The following SCN9A variants were observed in gnomAD, a reference collection of about 807,000 sequenced individuals.
SCN9A encodes the protein sodium voltage-gated channel alpha subunit 9, also known as sodium channel protein type 9 subunit alpha.
In SCN9A, 131 loss-of-function variants were observed where a neutral mutation model predicts 187.0. The observed-to-expected ratio is 0.70, with a 90% CI of 0.61 to 0.81. SCN9A has a LOEUF of 0.81. SCN9A is among the 30% of genes least tolerant of loss of function. The pLI is 0.00. For synonymous variants in SCN9A, 809 were observed against 808.6 expected (o/e 1.00, Z -0.01); for missense variants, 2,252 against 2,396.6 (o/e 0.94, Z 1.26).
At chr2:166,260,816 C>A (rs1381807606) in intron 17 of SCN9A, among the ~76,000 whole-genome samples, 1 of 151,702 alleles carries the variant, frequency 6.6e-6, no homozygotes, top group Non-Finnish European at 1.5e-5. Flanking sequence ...TGTTCAGTAA[C>A]ATAATATTTA....
At chr2:166,227,581 G>T in intron 23 of SCN9A, 89 bp downstream of exon 23, 1 of 785,902 alleles carries the variant, frequency 1.3e-6, no homozygotes, top group Non-Finnish European at 2.2e-6. Flanking sequence ...GAGTCCCAAG[G>T]GCTTCATGAA....
intron 7 of SCN9A, among the ~76,000 whole-genome samples, chr2:166,299,185 A>G (rs1698449644): frequency 7.0e-6 from 1 of 143,620 alleles, no homozygotes; most frequent in Admixed American, 6.7e-5. Context: ...TCACTAGCAA[A>G]ACATCCATAC....
At chr2:166,369,439 C>T (rs1187721729) in intron 1 of SCN9A, among the ~76,000 whole-genome samples, 1 of 152,130 alleles carries the variant, frequency 6.6e-6, no homozygotes, top group Non-Finnish European at 1.5e-5. Context: ...AGTGTTCATT[C>T]CTAAAAGTCT....
intron 17 of SCN9A, among the ~76,000 whole-genome samples, chr2:166,262,301 A>G (rs1236017386): frequency 6.6e-6 from 1 of 152,072 alleles, no homozygotes; most frequent in Non-Finnish European, 1.5e-5. Context: ...TTAATACTGA[A>G]TAAATGGAAA....
intron 2 of SCN9A, among the ~76,000 whole-genome samples, chr2:166,307,830 C>A (rs953472503): frequency 6.6e-6 from 1 of 152,180 alleles, no homozygotes. Context: ...AATATTAAAG[C>A]AACCTAAAGC....
chr2:166,315,601 T>C (rs1218260503), intron 1 of SCN9A, among the ~76,000 whole-genome samples: 5 of 152,204 alleles, frequency 3.3e-5, no homozygotes, highest in Admixed American at 6.5e-5. Context: ...ATCCTCTAGT[T>C]TGGAGAGGTG....
chr2:166,206,585 C>T (rs1574711453), intron 24 of SCN9A, among the ~76,000 whole-genome samples: 1 of 151,980 alleles, frequency 6.6e-6, no homozygotes, highest in Non-Finnish European at 1.5e-5. Flanking sequence ...ATTGGTGCAG[C>T]AAACCAACAT....
intron 26 of SCN9A, 102 bp downstream of exon 26, chr2:166,203,849 TACTC>T (rs1227032286): frequency 2.9e-6 from 2 of 694,480 alleles, no homozygotes; most frequent in East Asian, 2.7e-5. Flanking sequence ...TGTACTGACT[TACTC>T]AAGAGTAAAT....
At chr2:166,319,451 C>A (rs1201340639) in intron 1 of SCN9A, among the ~76,000 whole-genome samples, 1 of 151,292 alleles carries the variant, frequency 6.6e-6, no homozygotes, top group Non-Finnish European at 1.5e-5. Context: ...GTGTAAATAG[C>A]CATATTGTCC....
Position 166,272,575 on chromosome 2 carries a change from T to C in SCN9A, c.3175A>G (p.Ile1059Val), listed in dbSNP as rs897779998. 11 of 1,613,480 alleles carry C rather than the reference T, an allele frequency of 6.8e-6. 1 individual carries two copies. The South Asian group carries it at 9.9e-5, about 14-fold the overall frequency. ...TCCACGCTGCTTCCAAAACCACTGA[T>C]TTTATCTTTTTCCTTGAGGAAATTG... ...GHNFLKEKDK[I>V]SGFGSSVDKH... Residue 1059 changes from isoleucine to valine, a missense_variant, in exon 17 of 27, where the codon ATC (isoleucine) becomes GTC (valine). Coordinates refer to ENST00000642356, the MANE Select transcript of SCN9A (RefSeq NM_001365536.1).
intron 1 of SCN9A, among the ~76,000 whole-genome samples, chr2:166,359,691 T>C (rs1700231785): frequency 6.6e-6 from 1 of 152,080 alleles, no homozygotes; most frequent in South Asian, 2.1e-4. Context: ...TTTTATGGCA[T>C]TTTATAGTAG....
chr2:166,342,064 A>T (rs1218413820), intron 1 of SCN9A, among the ~76,000 whole-genome samples: 1 of 152,200 alleles, frequency 6.6e-6, no homozygotes, highest in East Asian at 1.9e-4. Context: ...TGTGATTATT[A>T]TGTATACTAT....
intron 21 of SCN9A, 39 bp from the exon 22 acceptor site, chr2:166,229,011 T>G (rs1327053165): frequency 6.6e-7 from 1 of 1,524,868 alleles, no homozygotes; most frequent in African/African-American, 1.4e-5. Flanking sequence ...TTAGGATTAG[T>G]AAGATGTTAA....
chr2:166,238,730 T>C (rs6716818), intron 19 of SCN9A, among the ~76,000 whole-genome samples: 131,108 of 152,202 alleles, frequency 0.86, 56,561 homozygotes, highest in East Asian at 0.95. Context: ...CAGTGCCTAG[T>C]ACCATGTTAA....
chr2:166,338,411 C>T (rs920524791), intron 1 of SCN9A, among the ~76,000 whole-genome samples: 13 of 152,102 alleles, frequency 8.5e-5, no homozygotes, highest in South Asian at 6.2e-4. Context: ...ATCTGTCTAA[C>T]GCCCATGTGT....
intron 20 of SCN9A, 48 bp from the exon 21 acceptor site, chr2:166,233,510 A>G: frequency 6.8e-7 from 1 of 1,478,740 alleles, no homozygotes; most frequent in Non-Finnish European, 9.0e-7. Flanking sequence ...ATGATGAAGC[A>G]TAAAAGGAAA....
intron 1 of SCN9A, among the ~76,000 whole-genome samples, chr2:166,348,068 G>A (rs998902082): frequency 6.6e-5 from 10 of 152,154 alleles, no homozygotes; most frequent in Admixed American, 3.9e-4. Flanking sequence ...GGTTCTTCCA[G>A]CTTCTCTGCT....
Position 166,286,643 on chromosome 2 carries a change from A to C in SCN9A, c.1315-20T>G. On this transcript the variant is annotated intron_variant, in intron 10 of 26. Coordinates refer to ENST00000642356, the MANE Select transcript of SCN9A (RefSeq NM_001365536.1). ...AATTGCCTGGTTGGGCCAAGACGTT[A>C]ACACTTAAATGAGTCATTTCCAAAT... The C allele has an allele frequency of 6.7e-7, 1 of 1,497,386 alleles. No individual in the cohort carries two copies. Among genetic ancestry groups the C allele is most frequent in the Non-Finnish European group, 8.9e-7 (1 of 1,128,822 alleles). The allele number at this position is 1,497,386 out of a possible 1,614,324, so 92.8% of individuals were successfully genotyped here.
At chr2:166,372,937 G>A (rs1700598134) in intron 1 of SCN9A, among the ~76,000 whole-genome samples, 1 of 152,108 alleles carries the variant, frequency 6.6e-6, no homozygotes, top group African/African-American at 2.4e-5. Context: ...GCTGTAACAA[G>A]CAGTATGAAA....
Sources: gnomAD v4.1 joint callset for allele counts (sites outside exome capture counted in the v4.1 genomes callset) on GRCh38, gnomAD v4.1.1 for gene constraint, MANE v1.5 for transcripts, NCBI Gene and HGNC (gene_info 2026-07-23, HGNC 2026-07-21) for gene names.